ZC3H14: variants seen among roughly 807,000 people sequenced by gnomAD.
The protein encoded by ZC3H14 is zinc finger CCCH-type containing 14, also known as zinc finger CCCH domain-containing protein 14.
Under a neutral mutation model 92.4 loss-of-function variants are expected in ZC3H14, and 31 were observed. That is an observed-to-expected ratio of 0.34 (90% CI 0.25 to 0.45). The LOEUF (loss-of-function observed/expected upper bound fraction) is 0.45. ZC3H14 is among the 20% of genes least tolerant of loss of function. The probability of loss-of-function intolerance (pLI) is 1.00; values close to 1 mark genes in which losing one functional copy is unlikely to be tolerated. For synonymous variants in ZC3H14, 321 were observed against 300.9 expected (o/e 1.07, Z -0.69); for missense variants, 781 against 897.3 (o/e 0.87, Z 1.66).
At chr14:88,610,785 C>G in intron 15 of ZC3H14, 49 bp from the exon 16 acceptor site, 1 of 1,545,446 alleles carries the variant, frequency 6.5e-7, no homozygotes, top group Non-Finnish European at 8.9e-7. Context: ...AATGTGTTTA[C>G]TTATATTAGC....
chr14:88,613,488 A>G lies in ZC3H14; in HGVS notation c.*1737A>G, dbSNP rs1309950435. 1 of 152,218 alleles carries G rather than the reference A, an allele frequency of 6.6e-6. No homozygotes were observed. The highest frequency in any genetic ancestry group is 1.5e-5 in the Non-Finnish European group (1 of 68,038). 9.4% of individuals were successfully genotyped at this position (152,218 alleles called of 1,614,324 possible). On this transcript the variant is annotated 3_prime_UTR_variant, in exon 17 of 17. Coordinates refer to ENST00000251038, the MANE Select transcript of ZC3H14 (RefSeq NM_024824.5). ...TTTAGTTCAGCCATTTTACAAGGAA[A>G]TAATAAAATACTAAAATCTGATTGT...
chr14:88,583,715 T>TTAA (rs1434394716), intron 9 of ZC3H14, among the ~76,000 whole-genome samples: 1 of 152,228 alleles, frequency 6.6e-6, no homozygotes, highest in Non-Finnish European at 1.5e-5. Context: ...TTGAAAATTG[T>TTAA]TAACACTTGC....
chr14:88,615,963 C>A lies in ZC3H14; in HGVS notation c.*4212C>A. The stretch of plus-strand genomic sequence containing the variant: ...AGGTTACATGTGTAATATTTTTCCT[C>A]TTTAACTCCTTTTATTCTGTATTTG... On this transcript the variant is annotated 3_prime_UTR_variant, in exon 17 of 17. Coordinates refer to ENST00000251038, the MANE Select transcript of ZC3H14 (RefSeq NM_024824.5). 2 of 1,330,972 alleles carry A rather than the reference C, an allele frequency of 1.5e-6. No individual in the cohort carries two copies. The highest frequency in any genetic ancestry group is 2.1e-6 in the Non-Finnish European group (2 of 960,810). 82.4% of individuals were successfully genotyped at this position (1,330,972 alleles called of 1,614,324 possible).
chr14:88,607,004 C>A (rs897888825), intron 12 of ZC3H14, among the ~76,000 whole-genome samples: 1 of 152,006 alleles, frequency 6.6e-6, no homozygotes, highest in Non-Finnish European at 1.5e-5. Flanking sequence ...AAAATTTGGC[C>A]GTAGTTGCAG....
chr14:88,621,369 A>G lies in ZC3H14; in HGVS notation c.*9618A>G, dbSNP rs772004444. On this transcript the variant is annotated 3_prime_UTR_variant, in exon 17 of 17. Transcript: ENST00000251038. ...GCTGCTTTTCTTCTTCATAATATAA[A>G]AATGACCCTATTGACCTGCTTTCAG... 3 of 1,585,966 alleles carry G rather than the reference A, an allele frequency of 1.9e-6. No individual in the cohort carries two copies. In the South Asian group the frequency reaches 3.3e-5, roughly 18 times the overall value.
chr14:88,621,241 C>G lies in ZC3H14; in HGVS notation c.*9490C>G. 1 of 1,613,944 alleles carries G rather than the reference C, an allele frequency of 6.2e-7. No homozygotes were observed. Among genetic ancestry groups the G allele is most frequent in the Non-Finnish European group, 8.5e-7 (1 of 1,179,874 alleles). ...TGACCGTTAACTAAAATATTACAAG[C>G]TGCATTTTTCTCTCCAACTTCGATT... is the stretch of plus-strand genomic sequence containing the variant. On this transcript the variant is annotated 3_prime_UTR_variant, in exon 17 of 17. Coordinates refer to ENST00000251038, the MANE Select transcript of ZC3H14 (RefSeq NM_024824.5).
At chr14:88,585,230 C>CT (rs2082333012) in intron 9 of ZC3H14, among the ~76,000 whole-genome samples, 1 of 152,154 alleles carries the variant, frequency 6.6e-6, no homozygotes, top group South Asian at 2.1e-4. Context: ...AGTTGGATTA[C>CT]TTTCTGTCAT....
Position 88,621,817 on chromosome 14 carries a change from A to G in ZC3H14, c.*10066A>G, listed in dbSNP as rs928704948. 1 of 442,954 alleles carries G rather than the reference A, an allele frequency of 2.3e-6. No homozygotes were observed. The highest frequency in any genetic ancestry group is 4.5e-6 in the Non-Finnish European group (1 of 221,964). 27.4% of individuals were successfully genotyped at this position (442,954 alleles called of 1,614,324 possible). On this transcript the variant is annotated 3_prime_UTR_variant, in exon 17 of 17. Coordinates refer to ENST00000251038, the MANE Select transcript of ZC3H14 (RefSeq NM_024824.5). ...TTGACACATAATTATACATATCTATAGGGCATAGGGTAATACGCATAACCA... is the reference window on the plus strand; with the variant it reads ...TTGACACATAATTATACATATCTATGGGGCATAGGGTAATACGCATAACCA...
chr14:88,572,442 A>T, intron 5 of ZC3H14, 136 bp from the exon 6 acceptor site: 1 of 1,211,608 alleles, frequency 8.3e-7, no homozygotes, highest in Non-Finnish European at 1.2e-6. Flanking sequence ...TGCAATTTCA[A>T]AGCAGTTTTG....
chr14:88,567,584 A>G lies in ZC3H14; in HGVS notation c.80-455A>G, dbSNP rs77828516. ...TATTTGTTTATTCGATGTTGCTACA[A>G]GTTTGTTACTGTGAGTAATTGAAAC... On this transcript the variant is annotated intron_variant, in intron 2 of 16. Coordinates refer to ENST00000251038, the MANE Select transcript of ZC3H14 (RefSeq NM_024824.5). 5.1e-3 allele frequency among the ~76,000 whole-genome samples: 773 copies of G among 152,220 alleles called. 4 individuals carry two copies. Among genetic ancestry groups the G allele is most frequent in the African/African-American group, 0.018 (732 of 41,544 alleles).
chr14:88,563,590 G>A, intron 1 of ZC3H14, 61 bp from the exon 2 acceptor site: 1 of 1,602,362 alleles, frequency 6.2e-7, no homozygotes, highest in Admixed American at 1.7e-5. Context: ...CCGCTGCAGA[G>A]TCCGGTCTTG....
At chr14:88,609,639 A>G in intron 14 of ZC3H14, 73 bp from the exon 15 acceptor site, 2 of 1,559,944 alleles carry the variant, frequency 1.3e-6, no homozygotes, top group Non-Finnish European at 1.8e-6. Context: ...TTTCAAAAAA[A>G]ACATCAGTAG....
chr14:88,584,360 A>C (rs768482087), intron 9 of ZC3H14, among the ~76,000 whole-genome samples: 1 of 152,232 alleles, frequency 6.6e-6, no homozygotes, highest in African/African-American at 2.4e-5. Context: ...ATTAAGAAAA[A>C]TTTAGGTATG....
intron 6 of ZC3H14, 105 bp downstream of exon 6, chr14:88,573,112 G>A: frequency 7.6e-7 from 1 of 1,320,256 alleles, no homozygotes; most frequent in Admixed American, 1.8e-5. Context: ...TGGGCACAGT[G>A]GCTCACACCT....
chr14:88,612,686 A>G lies in ZC3H14; in HGVS notation c.*935A>G, dbSNP rs1013872013. 6.6e-6 allele frequency: 1 copy of G among 152,640 alleles called. No individual in the cohort carries two copies. Among genetic ancestry groups the G allele is most frequent in the Non-Finnish European group, 1.5e-5 (1 of 68,026 alleles). 9.5% of individuals were successfully genotyped at this position (152,640 alleles called of 1,614,324 possible). A position where few individuals can be genotyped will look rare whatever the true frequency, so the allele number is the denominator to read the frequency against. ...AATGTAAAAATTAGATTTAAATAGT[A>G]TATTTTAAATGACAGAACTATAATT... On this transcript the variant is annotated 3_prime_UTR_variant, in exon 17 of 17. Transcript: ENST00000251038.
chr14:88,626,863 G>T lies in ZC3H14; in HGVS notation c.*15112G>T. On this transcript the variant is annotated 3_prime_UTR_variant, in exon 17 of 17. Transcript: ENST00000251038. ...TGCACCAAATGCAATAGCGAGCATG[G>T]TCTGCATCCGGGCATCTTCCAGTGT... 1 of 1,613,914 alleles carries T rather than the reference G, an allele frequency of 6.2e-7. No individual in the cohort carries two copies. Among genetic ancestry groups the T allele is most frequent in the South Asian group, 1.1e-5 (1 of 91,074 alleles).
Position 88,620,509 on chromosome 14 carries a change from G to A in ZC3H14, c.*8758G>A, listed in dbSNP as rs914884380. ...ATGAACTTAATGGACATGGCTAAGT[G>A]TTAACATGAATTCATCAAACATTAC... On this transcript the variant is annotated 3_prime_UTR_variant, in exon 17 of 17. Coordinates refer to ENST00000251038, the MANE Select transcript of ZC3H14 (RefSeq NM_024824.5). The surrounding 1 kb of genome is among the most constrained non-coding windows in gnomAD (Gnocchi z 4.3). 6 of 345,036 alleles carry A rather than the reference G, an allele frequency of 1.7e-5. No individual in the cohort carries two copies. The highest frequency in any genetic ancestry group is 2.6e-5 in the Non-Finnish European group (5 of 193,756). 21.4% of individuals were successfully genotyped at this position (345,036 alleles called of 1,614,324 possible).
In ZC3H14 at chr14:88,583,136, T is replaced by A. The variant is rs180745383; in HGVS notation, c.1279+4996T>A. On this transcript the variant is annotated intron_variant, in intron 9 of 16. Transcript: ENST00000251038. ...ATTTCATTGACTTGTGCTTTTTTTT[T>A]ATTTTTTTTTTTTAAGAGGCGAGGT... Among the ~76,000 whole-genome samples the A allele has an allele frequency of 5.0e-3, 758 of 151,296 alleles. 5 individuals are homozygous for A. Among genetic ancestry groups the A allele is most frequent in the African/African-American group, 0.017 (693 of 41,120 alleles).
In ZC3H14 at chr14:88,626,276, A is replaced by G. The variant is rs1040643692; in HGVS notation, c.*14525A>G. On this transcript the variant is annotated 3_prime_UTR_variant, in exon 17 of 17. Transcript: ENST00000251038. The stretch of plus-strand genomic sequence containing the variant: ...AAATTTTAGGATATTTAGGGTGACA[A>G]TTAGAAGATTAAGGAAGGCTTTTGA... 5 of 152,416 alleles carry G rather than the reference A, an allele frequency of 3.3e-5. No homozygotes were observed. The highest frequency in any genetic ancestry group is 1.2e-4 in the African/African-American group (5 of 41,454). 9.4% of individuals were successfully genotyped at this position (152,416 alleles called of 1,614,324 possible). A position where few individuals can be genotyped will look rare whatever the true frequency, so the allele number is the denominator to read the frequency against.
Sources: allele counts gnomAD v4.1 joint callset (sites outside exome capture counted in the v4.1 genomes callset), GRCh38; gene constraint gnomAD v4.1.1; non-coding constraint Gnocchi (gnomAD v3.1); transcripts MANE v1.5; gene names NCBI Gene and HGNC (gene_info 2026-07-23, HGNC 2026-07-21).